ANKRD33: variants seen among roughly 807,000 people sequenced by gnomAD.
The protein encoded by ANKRD33 is photoreceptor ankyrin repeat protein.
A neutral mutation model predicts 20.6 loss-of-function variants in ANKRD33; 20 were observed. The observed-to-expected ratio is 0.97, with a 90% CI of 0.68 to 1.41. The LOEUF is 1.41. Ranked by LOEUF, ANKRD33 falls within the 40% of genes most tolerant of loss-of-function variation. ANKRD33 has a pLI of 0.00. For synonymous variants in ANKRD33, 246 were observed against 245.0 expected (o/e 1.00, Z -0.04); for missense variants, 545 against 579.6 (o/e 0.94, Z 0.61).
intron 4 of ANKRD33, chr12:51,890,118 T>C (rs963861355): frequency 3.8e-5 from 10 of 264,320 alleles, no homozygotes; most frequent in African/African-American, 2.2e-4. Context: ...AAGGAGTGAA[T>C]GAAAAAGGAG....
rs1269949028 is a variant in ANKRD33, at chr12:51,891,457, T to G, written c.*152T>G. 7.6e-7 allele frequency: 1 copy of G among 1,311,326 alleles called. No homozygotes were observed. Among genetic ancestry groups the G allele is most frequent in the East Asian group, 2.5e-5 (1 of 39,340 alleles). 81.2% of individuals were successfully genotyped at this position (1,311,326 alleles called of 1,614,324 possible). A position where few individuals can be genotyped will look rare whatever the true frequency, so the allele number is the denominator to read the frequency against. The stretch of plus-strand genomic sequence containing the variant: ...TATACAAGGTCATTCATTCTAGCAT[T>G]GTTTGCAAGAGTGAAAGAGTGGAAA... On this transcript the variant is annotated 3_prime_UTR_variant, in exon 5 of 5. Coordinates refer to ENST00000301190, the MANE Select transcript of ANKRD33 (RefSeq NM_182608.4).
intron 4 of ANKRD33, chr12:51,889,779 CG>C: frequency 2.1e-6 from 1 of 479,362 alleles, no homozygotes; most frequent in Non-Finnish European, 3.6e-6. Flanking sequence ...AAATCTAACA[CG>C]AAAAAAGGCT....
chr12:51,890,771 C>T lies in ANKRD33; in HGVS notation c.825C>T (p.Ala275=), dbSNP rs746165391. The T allele has an allele frequency of 1.9e-6, 3 of 1,605,246 alleles. No individual in the cohort carries two copies. The highest frequency in any genetic ancestry group is 2.2e-5 in the East Asian group (1 of 44,854). Residue 275 remains alanine, a synonymous_variant, in exon 5 of 5, where the codon GCC becomes GCT. Coordinates refer to ENST00000301190, the MANE Select transcript of ANKRD33 (RefSeq NM_182608.4). ...ALSGLVAQAQ[A]QAQVAPSLLE... is the part of the protein sequence containing the mutation. ...CCGGGCTCGTGGCCCAGGCCCAGGC[C>T]CAGGCCCAGGTTGCCCCTTCACTCC...
At chr12:51,889,351 C>T (rs377281535) in intron 3 of ANKRD33, 21 bp from the exon 4 acceptor site, 4 of 1,612,712 alleles carry the variant, frequency 2.5e-6, no homozygotes, top group Non-Finnish European at 3.4e-6. Context: ...GGGGACCAAG[C>T]TTACCCTTGC....
At position 51,888,684 on chromosome 12, in the gene ANKRD33, G is replaced by A; in HGVS notation, c.262G>A (p.Glu88Lys). ...TGAGGCACTGCCCTGCCCGGGCAAG[G>A]AGACCCCCACCCCAGGCTGCAGGCT... Reference protein sequence around the residue: ...MSEALPCPGKETPTPGCRLGA... With the variant: ...MSEALPCPGKKTPTPGCRLGA... The change falls in exon 2 of 5, where the codon GAG becomes AAG. Residue 88 changes from glutamate (E) to lysine (K), a missense_variant. Physicochemically the swap from Glu to Lys is moderately conservative, Grantham distance 56 (BLOSUM62 1). Transcript: ENST00000301190. 6.2e-7 allele frequency: 1 copy of A among 1,612,854 alleles called. No homozygotes were observed. Among genetic ancestry groups the A allele is most frequent in the Non-Finnish European group, 8.5e-7 (1 of 1,179,472 alleles).
chr12:51,889,545 C>G (rs1940341945), intron 4 of ANKRD33, 63 bp downstream of exon 4: 4 of 1,579,356 alleles, frequency 2.5e-6, no homozygotes, highest in Non-Finnish European at 3.4e-6. Flanking sequence ...TGTGTGGCCT[C>G]CAGTCCCTCC....
chr12:51,888,427 C>A, intron 1 of ANKRD33, 96 bp downstream of exon 1: 1 of 1,583,308 alleles, frequency 6.3e-7, no homozygotes, highest in Non-Finnish European at 8.6e-7. Flanking sequence ...CAGCGCTTGT[C>A]CTTTCTCAGG....
At chr12:51,889,529 C>T (rs1047785073) in intron 4 of ANKRD33, 47 bp downstream of exon 4, 9 of 1,602,650 alleles carry the variant, frequency 5.6e-6, no homozygotes, top group Non-Finnish European at 6.0e-6. Context: ...GGGGCCTGGA[C>T]CGGGGTGTGT....
chr12:51,888,680 C>A lies in ANKRD33; in HGVS notation c.258C>A (p.Gly86=), dbSNP rs1349550933. ...LDMSEALPCP[G]KETPTPGCRL... Reference sequence around the variant, plus strand: ...TGTCTGAGGCACTGCCCTGCCCGGGCAAGGAGACCCCCACCCCAGGCTGCA... The same window carrying A: ...TGTCTGAGGCACTGCCCTGCCCGGGAAAGGAGACCCCCACCCCAGGCTGCA... The change falls in exon 2 of 5, where the codon GGC becomes GGA. Residue 86 remains glycine, a synonymous_variant. Transcript: ENST00000301190. 1.4e-5 allele frequency: 23 copies of A among 1,612,420 alleles called. No homozygotes were observed. Among genetic ancestry groups the A allele is most frequent in the Non-Finnish European group, 1.9e-5 (22 of 1,179,210 alleles).
chr12:51,889,189 C>T lies in ANKRD33; in HGVS notation c.519C>T (p.Ala173=), dbSNP rs1940325143. ...GGGACACGGCCCTCATGTTGGCTGC[C>T]CAAGCAGGTGTGAGGCTGCTGCACC... ...KGGDTALMLA[A]QAGHVPLVSL... Residue 173 remains alanine (A), a synonymous_variant, in exon 3 of 5, where the codon GCC becomes GCT. Transcript: ENST00000301190. 1 of 1,614,058 alleles carries T rather than the reference C, an allele frequency of 6.2e-7. No individual in the cohort carries two copies. Among genetic ancestry groups the T allele is most frequent in the African/African-American group, 1.3e-5 (1 of 74,936 alleles).
rs1940332348 is a variant in ANKRD33, at chr12:51,889,362, T to A, written c.527-10T>A. 6.2e-7 allele frequency: 1 copy of A among 1,613,526 alleles called. No individual in the cohort carries two copies. Among genetic ancestry groups the A allele is most frequent in the African/African-American group, 1.3e-5 (1 of 74,934 alleles). On this transcript the variant is annotated splice_polypyrimidine_tract_variant and intron_variant, in intron 3 of 4. Transcript: ENST00000301190. The stretch of plus-strand genomic sequence containing the variant: ...TCCTGGGGACCAAGCTTACCCTTGC[T>A]GCCCTGCAGGCCACGTGCCTCTAGT...
intron 2 of ANKRD33, 122 bp from the exon 3 acceptor site, chr12:51,888,945 G>T: frequency 6.3e-7 from 1 of 1,582,594 alleles, no homozygotes; most frequent in Non-Finnish European, 8.6e-7. Context: ...GAAGGGAATG[G>T]TTAAGGGCGG....
At chr12:51,890,289 G>T in intron 4 of ANKRD33, 1 of 609,762 alleles carries the variant, frequency 1.6e-6, no homozygotes, top group African/African-American at 1.8e-5. Context: ...TGCCTGTCCT[G>T]GGCAGCCTGC....
chr12:51,888,792 G>C lies in ANKRD33; in HGVS notation c.370G>C (p.Ala124Pro), dbSNP rs772296598. 6.2e-7 allele frequency: 1 copy of C among 1,613,766 alleles called. No individual in the cohort carries two copies. The highest frequency in any genetic ancestry group is 8.5e-7 in the Non-Finnish European group (1 of 1,180,008). ...GGATGGTGGGGTCTCCCCAGAGGAG[G>C]CCACCCAGGTGGACAGCAATGGGAG... ...ILDGGVSPEE[A>P]TQVDSNGRTG... The change falls in exon 2 of 5, where the codon GCC becomes CCC. Residue 124 changes from alanine (A) to proline (P), a missense_variant. Transcript: ENST00000301190.
Position 51,888,710 on chromosome 12 carries a change from G to C in ANKRD33, c.288G>C (p.Leu96=). ...AGACCCCCACCCCAGGCTGCAGGCT[G>C]GGGGCCCTGTATTGGGCCTGTGTCC... is the stretch of plus-strand genomic sequence containing the variant. The part of the protein sequence containing the change: ...GKETPTPGCR[L]GALYWACVHN... Residue 96 remains leucine, a synonymous_variant, in exon 2 of 5, where the codon CTG becomes CTC. Transcript: ENST00000301190. The C allele has an allele frequency of 6.2e-7, 1 of 1,613,726 alleles. No homozygotes were observed. Among genetic ancestry groups the C allele is most frequent in the Middle Eastern group, 1.7e-4 (1 of 6,058 alleles).
chr12:51,890,348 CT>C (rs1940373282), intron 4 of ANKRD33: 2 of 1,048,414 alleles, frequency 1.9e-6, no homozygotes, highest in Admixed American at 2.0e-5. Flanking sequence ...CTATTCTGCC[CT>C]AGGTGGAGCC....
rs1565582835 is a variant in ANKRD33 at position 51,888,266 on chromosome 12, TTGTGCTCCGCGGAGCCTGGGC to T, written c.86_106del (p.Leu29_Val35del). The stretch of plus-strand genomic sequence containing the variant: ...CTGGAGGCATTCGGAGACCCAGTGA[TTGTGCTCCGCGGAGCCTGGGC>T]TGTGCCCCGCGTTGACTGCCTCATA... On this transcript the variant is annotated inframe_deletion, in exon 1 of 5. Coordinates refer to ENST00000301190, the MANE Select transcript of ANKRD33 (RefSeq NM_182608.4). 9.3e-6 allele frequency: 15 copies of T among 1,614,218 alleles called. No homozygotes were observed. The highest frequency in any genetic ancestry group is 1.3e-5 in the Non-Finnish European group (15 of 1,180,034).
intron 4 of ANKRD33, 150 bp downstream of exon 4, chr12:51,889,632 C>A: frequency 7.3e-7 from 1 of 1,377,454 alleles, no homozygotes. Flanking sequence ...GGGGATCAAT[C>A]TAGTTCACCT....
rs1417005755 is a variant in ANKRD33 at position 51,888,574 on chromosome 12, G to A, written c.152G>A (p.Ser51Asn). ...LIDTLRTPNA[S>N]CMRKGTHLLV... ...TCTCCATTCTGTGTTTTAGATGCCA[G>A]CTGCATGAGAAAAGGGACTCACCTT... The change falls in exon 2 of 5, where the codon AGC becomes AAC. Residue 51 changes from serine (S) to asparagine (N), a missense_variant. Transcript: ENST00000301190. 6.5e-7 allele frequency: 1 copy of A among 1,547,878 alleles called. No homozygotes were observed. The highest frequency in any genetic ancestry group is 2.1e-5 in the Admixed American group (1 of 48,286).
Sources: gnomAD v4.1 joint callset for allele counts on GRCh38, gnomAD v4.1.1 for gene constraint, MANE v1.5 for transcripts, NCBI Gene and HGNC (gene_info 2026-07-23, HGNC 2026-07-21) for gene names.